The following AP3M1 variants were observed in gnomAD, a reference collection of about 807,000 sequenced individuals.
AP3M1 encodes adaptor related protein complex 3 subunit mu 1, also known as AP-3 complex subunit mu-1.
A neutral mutation model predicts 42.6 loss-of-function variants in AP3M1; 29 were observed. The observed-to-expected ratio is 0.68, with a 90% confidence interval of 0.51 to 0.93. The LOEUF (loss-of-function observed/expected upper bound fraction) is 0.93, where lower values mean the gene tolerates loss of function less well. Among genes scored for constraint, AP3M1 ranks in the 40% least tolerant of loss-of-function variants. The pLI is 0.00. For synonymous variants in AP3M1, 178 were observed against 175.3 expected (o/e 1.02, Z -0.12); for missense variants, 416 against 510.2 (o/e 0.82, Z 1.78).
chr10:74,144,159 C>T (rs1280586083), intron 1 of AP3M1, among the ~76,000 whole-genome samples: 4 of 152,186 alleles, frequency 2.6e-5, no homozygotes, highest in Non-Finnish European at 5.9e-5. Flanking sequence ...GATGGGGTTT[C>T]ACCATGTTAG....
At chr10:74,144,637 G>C (rs1841273665) in intron 1 of AP3M1, among the ~76,000 whole-genome samples, 1 of 151,414 alleles carries the variant, frequency 6.6e-6, no homozygotes, top group East Asian at 1.9e-4. Flanking sequence ...ATATTGAACA[G>C]TGCATGAATG....
At chr10:74,136,600 T>C (rs758116919) in intron 3 of AP3M1, 32 bp downstream of exon 3, 1 of 1,429,768 alleles carries the variant, frequency 7.0e-7, no homozygotes, top group Admixed American at 2.2e-5. Flanking sequence ...TTTTAATTGC[T>C]CAGTTACTAG....
rs756633811 is a variant in AP3M1 at position 74,123,760 on chromosome 10, C to T, written c.*50G>A. 1.4e-5 allele frequency: 19 copies of T among 1,399,878 alleles called. No homozygotes were observed. Among genetic ancestry groups the T allele is most frequent in the East Asian group, 4.6e-5 (2 of 43,918 alleles). 86.7% of individuals were successfully genotyped at this position (1,399,878 alleles called of 1,614,324 possible). A position where few individuals can be genotyped will look rare whatever the true frequency, so the allele number is the denominator to read the frequency against. On this transcript the variant is annotated 3_prime_UTR_variant, in exon 9 of 9. Coordinates refer to ENST00000355264, the MANE Select transcript of AP3M1 (RefSeq NM_012095.6). ...CACTTGGTACCTAATAGTGATACAT[C>T]GTAATGACACTTGGAAAACAAACTG...
At position 74,134,075 on chromosome 10, in the gene AP3M1, C is replaced by T. The variant is rs768322023; in HGVS notation, c.535G>A (p.Ala179Thr). ...ATTTCTTCAACAACATCAAAATAGG[C>T]TTCATTGTTTGTGTACTTTACCCCT... is the stretch of plus-strand genomic sequence containing the variant. ...RAGVKYTNNE[A>T]YFDVVEEIDA... Residue 179 changes from alanine to threonine, a missense_variant, in exon 4 of 9, where the codon GCC (alanine) becomes ACC (threonine). Physicochemically the swap from Ala to Thr is moderately conservative, Grantham distance 58. Transcript: ENST00000355264. 3 of 1,614,116 alleles carry T rather than the reference C, an allele frequency of 1.9e-6. No individual in the cohort carries two copies. The highest frequency in any genetic ancestry group is 1.1e-5 in the South Asian group (1 of 91,080).
In AP3M1 at chr10:74,124,510, A is replaced by T. The variant is rs780543246; in HGVS notation, c.1026T>A (p.Asp342Glu). 1 of 1,606,496 alleles carries T rather than the reference A, an allele frequency of 6.2e-7. No individual in the cohort carries two copies. Among genetic ancestry groups the T allele is most frequent in the South Asian group, 1.1e-5 (1 of 88,930 alleles). Reference protein sequence around the residue: ...FDPVTKVLTWDVGKITPQKLP... With the variant: ...FDPVTKVLTWEVGKITPQKLP... ...GCTTTTGTGGAGTAATTTTTCCCAC[A>T]TCCCATGTTAGTACCTTAAAAAGAC... is the stretch of plus-strand genomic sequence containing the variant. Residue 342 changes from aspartate to glutamate, a missense_variant, in exon 8 of 9, where the codon GAT becomes GAA. Transcript: ENST00000355264.
chr10:74,141,988 T>C (rs1211322958), intron 1 of AP3M1, among the ~76,000 whole-genome samples: 1 of 152,028 alleles, frequency 6.6e-6, no homozygotes, highest in Non-Finnish European at 1.5e-5. Flanking sequence ...CCCAAAGTGC[T>C]AGGATTACAG....
chr10:74,140,013 CT>C (rs1841091763), intron 1 of AP3M1, among the ~76,000 whole-genome samples: 1 of 152,034 alleles, frequency 6.6e-6, no homozygotes. Context: ...CCAAAACAAT[CT>C]TGAAAAGGAA....
At chr10:74,139,454 A>T (rs1246270612) in intron 1 of AP3M1, among the ~76,000 whole-genome samples, 2 of 37,928 alleles carry the variant, frequency 5.3e-5, no homozygotes, top group South Asian at 5.8e-4. Context: ...TCTCTATTAA[A>T]AAAAAAAAAA....
At chr10:74,139,840 G>C (rs543823612) in intron 1 of AP3M1, among the ~76,000 whole-genome samples, 1 of 150,004 alleles carries the variant, frequency 6.7e-6, no homozygotes, top group Admixed American at 6.7e-5. Context: ...CCGGGAGGCG[G>C]AGGTTGCAGT....
At chr10:74,131,022 G>A (rs1840764646) in intron 4 of AP3M1, among the ~76,000 whole-genome samples, 2 of 152,038 alleles carry the variant, frequency 1.3e-5, no homozygotes, top group African/African-American at 4.8e-5. Flanking sequence ...TGAGGCAGGA[G>A]AATCGCTTGA....
At chr10:74,126,970 C>CAAAAAAA (rs58110411) in intron 6 of AP3M1, among the ~76,000 whole-genome samples, 16 of 32,356 alleles carry the variant, frequency 4.9e-4, no homozygotes, top group Admixed American at 1.3e-3. Context: ...GACGCCATCT[C>CAAAAAAA]AAAAAAAAAA....
chr10:74,129,987 T>C lies in AP3M1; in HGVS notation c.589A>G (p.Thr197Ala), dbSNP rs1456086012. ...ACCCCCTGAATTTCTGCAAAGACTG[T>C]AGATCCTGAAGAAAGAAAAAAAAAA... Reference protein sequence around the residue: ...IDAIIDKSGSTVFAEIQGVID... With the variant: ...IDAIIDKSGSAVFAEIQGVID... The change falls in exon 5 of 9, where the codon ACA (threonine) becomes GCA (alanine). Residue 197 changes from threonine (T) to alanine (A), a missense_variant. Transcript: ENST00000355264. 8 of 1,579,580 alleles carry C rather than the reference T, an allele frequency of 5.1e-6. No homozygotes were observed. In the Admixed American group the frequency reaches 5.3e-5, roughly 11 times the overall value.
At chr10:74,128,571 C>G (rs933226335) in intron 6 of AP3M1, among the ~76,000 whole-genome samples, 1 of 151,990 alleles carries the variant, frequency 6.6e-6, no homozygotes, top group African/African-American at 2.4e-5. Flanking sequence ...AAAAACTCAA[C>G]GCAGAGAAGA....
At position 74,136,747 on chromosome 10, in the gene AP3M1, A is replaced by G. The variant is rs1258380964; in HGVS notation, c.330T>C (p.Tyr110=). The G allele has an allele frequency of 6.3e-7, 1 of 1,582,958 alleles. No homozygotes were observed. The highest frequency in any genetic ancestry group is 2.3e-5 in the East Asian group (1 of 44,316). ...TGTCTAACATTTCTTCTAAGAGTTC[A>G]TATACTATGACCACATTATCCTTAA... ...AAIKDNVVIV[Y]ELLEEMLDNG... Residue 110 remains tyrosine, a synonymous_variant, in exon 3 of 9, where the codon TAT becomes TAC. Coordinates refer to ENST00000355264, the MANE Select transcript of AP3M1 (RefSeq NM_012095.6).
In AP3M1 at chr10:74,124,399, G is replaced by C. The variant is rs16931199; in HGVS notation, c.1137C>G (p.Ile379Met). 5 of 1,609,008 alleles carry C rather than the reference G, an allele frequency of 3.1e-6. No homozygotes were observed. The highest frequency in any genetic ancestry group is 2.5e-6 in the Non-Finnish European group (3 of 1,178,768). The change falls in exon 8 of 9, where the codon ATC becomes ATG. Residue 379 changes from isoleucine (I) to methionine (M), a missense_variant. Ile to Met is a conservative substitution (Grantham distance 10). Transcript: ENST00000355264. ...CCTTACCTGAAATAGCAAGCTGCTG[G>C]ATCTTAAACTGTATGTTGAGGCTCG... ...ENPSLNIQFK[I>M]QQLAISGLKV...
At position 74,124,479 on chromosome 10, in the gene AP3M1, T is replaced by C. The variant is rs949016822; in HGVS notation, c.1057A>G (p.Ser353Gly). 1.4e-5 allele frequency: 23 copies of C among 1,612,080 alleles called. No homozygotes were observed. The highest frequency in any genetic ancestry group is 1.7e-5 in the Non-Finnish European group (20 of 1,179,468). Residue 353 changes from serine to glycine, a missense_variant, in exon 8 of 9, where the codon AGT becomes GGT. Coordinates refer to ENST00000355264, the MANE Select transcript of AP3M1 (RefSeq NM_012095.6). The part of the protein sequence containing the change: ...VGKITPQKLP[S>G]LKGLVNLQSG... The stretch of plus-strand genomic sequence containing the variant: ...TGTAAATTTACCAGTCCTTTAAGAC[T>C]TGGGAGCTTTTGTGGAGTAATTTTT...
rs1225055937 is a variant in AP3M1 at position 74,122,423 on chromosome 10, G to C, written c.*1387C>G. On this transcript the variant is annotated 3_prime_UTR_variant, in exon 9 of 9. Coordinates refer to ENST00000355264, the MANE Select transcript of AP3M1 (RefSeq NM_012095.6). Reference sequence around the variant, plus strand: ...GGAAACATGAAGAACAAGCACTTAAGATATTAACTTTCAGTCTTTCTCCAT... The same window carrying C: ...GGAAACATGAAGAACAAGCACTTAACATATTAACTTTCAGTCTTTCTCCAT... 1 of 152,234 alleles carries C rather than the reference G, an allele frequency of 6.6e-6. No homozygotes were observed. Among genetic ancestry groups the C allele is most frequent in the East Asian group, 1.9e-4 (1 of 5,180 alleles). 9.4% of individuals were successfully genotyped at this position (152,234 alleles called of 1,614,324 possible).
Position 74,124,522 on chromosome 10 carries a change from T to C in AP3M1, c.1014A>G (p.Val338=), listed in dbSNP as rs749038103. Residue 338 remains valine, a splice_region_variant and synonymous_variant, in exon 8 of 9, where the codon GTA becomes GTG. Transcript: ENST00000355264. ...TAATTTTTCCCACATCCCATGTTAGTACCTTAAAAAGACAAAAAATGAAAA... is the reference window on the plus strand; with the variant it reads ...TAATTTTTCCCACATCCCATGTTAGCACCTTAAAAAGACAAAAAATGAAAA... The part of the protein sequence containing the change: ...GSYTFDPVTK[V]LTWDVGKITP... 1.3e-6 allele frequency: 2 copies of C among 1,581,410 alleles called. No individual in the cohort carries two copies. Among genetic ancestry groups the C allele is most frequent in the South Asian group, 1.2e-5 (1 of 84,866 alleles).
chr10:74,142,115 G>C (rs959263183), intron 1 of AP3M1, among the ~76,000 whole-genome samples: 9 of 152,116 alleles, frequency 5.9e-5, no homozygotes, highest in African/African-American at 2.2e-4. Flanking sequence ...TACTTTCTGA[G>C]TGTTAGTTAT....
Sources: gnomAD v4.1 joint callset for allele counts (sites outside exome capture counted in the v4.1 genomes callset) on GRCh38, gnomAD v4.1.1 for gene constraint, MANE v1.5 for transcripts, NCBI Gene and HGNC (gene_info 2026-07-23, HGNC 2026-07-21) for gene names.